OR2L2: variants seen among roughly 807,000 people sequenced by gnomAD.
OR2L2 encodes the protein olfactory receptor 2L2.
For missense variants in OR2L2, 378 were observed against 375.2 expected, an observed-to-expected ratio of 1.01 and a Z score of -0.06; for synonymous variants, 156 against 135.4, an observed-to-expected ratio of 1.15 and a Z score of -1.06.
chr1:248,038,846 C>G lies in OR2L2; in HGVS notation c.579C>G (p.Val193=), dbSNP rs1662851511. The change falls in exon 3 of 3, where the codon GTC becomes GTG. Residue 193 remains valine, a synonymous_variant. Transcript: ENST00000641771. ...MLTLACTDTW[V]YESTVFLSST... is the part of the protein sequence containing the mutation. Reference sequence around the variant, plus strand: ...CGCTAGCCTGCACAGACACTTGGGTCTATGAGAGCACAGTGTTTTTGAGCA... The same window carrying G: ...CGCTAGCCTGCACAGACACTTGGGTGTATGAGAGCACAGTGTTTTTGAGCA... 1 of 1,614,124 alleles carries G rather than the reference C, an allele frequency of 6.2e-7. No homozygotes were observed. Among genetic ancestry groups the G allele is most frequent in the East Asian group, 2.2e-5 (1 of 44,882 alleles).
chr1:248,032,227 C>G (rs1264339659), intron 1 of OR2L2, among the ~76,000 whole-genome samples: 1 of 151,890 alleles, frequency 6.6e-6, no homozygotes. Flanking sequence ...CAGAAACTTG[C>G]CTGAATTTTC....
chr1:248,030,823 G>T (rs1287479940), intron 1 of OR2L2, among the ~76,000 whole-genome samples: 1 of 152,094 alleles, frequency 6.6e-6, no homozygotes, highest in East Asian at 1.9e-4. Context: ...CATATTGCAC[G>T]TGCCAGTGTG....
intron 1 of OR2L2, among the ~76,000 whole-genome samples, chr1:248,032,785 G>A (rs1662653253): frequency 6.6e-6 from 1 of 152,036 alleles, no homozygotes; most frequent in Non-Finnish European, 1.5e-5. Flanking sequence ...TGCCTTTGGG[G>A]TATTGTGAAT....
intron 2 of OR2L2, 134 bp from the exon 3 acceptor site, chr1:248,038,113 T>A: frequency 1.8e-6 from 1 of 564,390 alleles, no homozygotes. Context: ...AATATGCATT[T>A]ATGGATATAA....
At chr1:248,037,043 TAG>T (rs1044794441) in intron 2 of OR2L2, among the ~76,000 whole-genome samples, 1 of 152,114 alleles carries the variant, frequency 6.6e-6, no homozygotes, top group Non-Finnish European at 1.5e-5. Flanking sequence ...GATATTGAGA[TAG>T]AGAGTCTGCA....
At chr1:248,036,131 G>A (rs528735046) in intron 2 of OR2L2, among the ~76,000 whole-genome samples, 1 of 152,048 alleles carries the variant, frequency 6.6e-6, no homozygotes, top group African/African-American at 2.4e-5. Flanking sequence ...GAGAATTTTT[G>A]TATGGTATTG....
intron 2 of OR2L2, among the ~76,000 whole-genome samples, chr1:248,036,197 T>G (rs1662755118): frequency 1.3e-5 from 2 of 152,172 alleles, no homozygotes; most frequent in Non-Finnish European, 2.9e-5. Context: ...TATATGTTGG[T>G]CCTGTTGCAT....
rs375770710 is a variant in OR2L2 at position 248,038,111 on chromosome 1, T to C, written c.-21-136T>C. ...TATAAATTAAAGTTTATAATATGCA[T>C]TTATGGATATAAAAATAGTTTATAT... On this transcript the variant is annotated intron_variant, in intron 2 of 2. Transcript: ENST00000641771. 1.4e-4 allele frequency: 76 copies of C among 561,982 alleles called. No individual in the cohort carries two copies. The East Asian group carries it at 1.8e-3, about 13-fold the overall frequency. The allele number at this position is 561,982 out of a possible 1,614,324, so 34.8% of individuals were successfully genotyped here. A position where few individuals can be genotyped will look rare whatever the true frequency, so the allele number is the denominator to read the frequency against.
In OR2L2 at chr1:248,038,689, T is replaced by C. The variant is rs1662842944; in HGVS notation, c.422T>C (p.Val141Ala). 3.7e-6 allele frequency: 6 copies of C among 1,614,010 alleles called. No homozygotes were observed. The East Asian group carries it at 8.9e-5, about 24-fold the overall frequency. Residue 141 changes from valine (V) to alanine (A), a missense_variant, in exon 3 of 3, where the codon GTG (valine) becomes GCG (alanine). Physicochemically the swap from Val to Ala is moderately conservative, Grantham distance 64. Coordinates refer to ENST00000641771, the MANE Select transcript of OR2L2 (RefSeq NM_001385855.1). ...YPIRISKRVC[V>A]MMITGSWMIS... ...ATCCGTATAAGCAAAAGAGTGTGTG[T>C]GATGATGATAACAGGATCTTGGATG...
At position 248,039,892 on chromosome 1, in the gene OR2L2, T is replaced by A. The variant is rs892909011; in HGVS notation, c.*686T>A. The A allele has an allele frequency of 6.6e-6, 1 of 152,248 alleles. No homozygotes were observed. Among genetic ancestry groups the A allele is most frequent in the East Asian group, 1.9e-4 (1 of 5,204 alleles). The allele number at this position is 152,248 out of a possible 1,614,324, so 9.4% of individuals were successfully genotyped here. On this transcript the variant is annotated 3_prime_UTR_variant, in exon 3 of 3. Transcript: ENST00000641771. ...AAGTTTACCTGAGGATAAATAATTA[T>A]GTTTGTGGAGCAGCCAATTTGGCTT...
chr1:248,039,331 TTTTAA>T lies in OR2L2; in HGVS notation c.*130_*134del. 1.2e-6 allele frequency: 1 copy of T among 859,264 alleles called. No individual in the cohort carries two copies. Among genetic ancestry groups the T allele is most frequent in the Non-Finnish European group, 1.8e-6 (1 of 561,068 alleles). The allele number at this position is 859,264 out of a possible 1,614,324, so 53.2% of individuals were successfully genotyped here. Reference sequence around the variant, plus strand: ...GAAGTTAATCTAGAAGAAATTTGTCTTTTAATTTAGTCTTGACAATATTATAATAC... The same window carrying T: ...GAAGTTAATCTAGAAGAAATTTGTCTTTTAGTCTTGACAATATTATAATAC... On this transcript the variant is annotated 3_prime_UTR_variant, in exon 3 of 3. Coordinates refer to ENST00000641771, the MANE Select transcript of OR2L2 (RefSeq NM_001385855.1).
chr1:248,032,883 T>G (rs1247471465), intron 1 of OR2L2, among the ~76,000 whole-genome samples: 1 of 152,202 alleles, frequency 6.6e-6, no homozygotes, highest in Non-Finnish European at 1.5e-5. Flanking sequence ...AGTTGGAACC[T>G]ATACTAACTC....
At position 248,038,432 on chromosome 1, in the gene OR2L2, C is replaced by T. The variant is rs910253877; in HGVS notation, c.165C>T (p.His55=). ...TCATCTTTTTGGACATCCATCTCCA[C>T]ACACCTATGTATTTCCTACTTAGTC... ...ILLIFLDIHL[H]TPMYFLLSQL... Residue 55 remains histidine (H), a synonymous_variant, in exon 3 of 3, where the codon CAC becomes CAT. Transcript: ENST00000641771. 1 of 1,613,714 alleles carries T rather than the reference C, an allele frequency of 6.2e-7. No individual in the cohort carries two copies. The highest frequency in any genetic ancestry group is 1.3e-5 in the African/African-American group (1 of 74,918).
chr1:248,033,668 C>A (rs1176587458), intron 1 of OR2L2, among the ~76,000 whole-genome samples: 1 of 148,680 alleles, frequency 6.7e-6, no homozygotes, highest in Admixed American at 6.8e-5. Flanking sequence ...TCTCAATGTT[C>A]TGAGCTCAAG....
chr1:248,030,658 T>A (rs1662594504), intron 1 of OR2L2, among the ~76,000 whole-genome samples: 1 of 152,198 alleles, frequency 6.6e-6, no homozygotes, highest in Non-Finnish European at 1.5e-5. Context: ...ACGATGCTCA[T>A]TATAATCTTA....
At position 248,040,306 on chromosome 1, in the gene OR2L2, G is replaced by C. The variant is rs902869875; in HGVS notation, c.*1100G>C. 9 of 152,202 alleles carry C rather than the reference G, an allele frequency of 5.9e-5. No individual in the cohort carries two copies. The highest frequency in any genetic ancestry group is 1.3e-4 in the Admixed American group (2 of 15,280). 9.4% of individuals were successfully genotyped at this position (152,202 alleles called of 1,614,324 possible). A position where few individuals can be genotyped will look rare whatever the true frequency, so the allele number is the denominator to read the frequency against. ...TCTCCAGAAGAGCCCATTCCTGAGA[G>C]ACTCTTTTATCTCTGAGGAGAGAAG... On this transcript the variant is annotated 3_prime_UTR_variant, in exon 3 of 3. Coordinates refer to ENST00000641771, the MANE Select transcript of OR2L2 (RefSeq NM_001385855.1).
chr1:248,038,286 A>G lies in OR2L2; in HGVS notation c.19A>G (p.Thr7Ala). 1 of 1,609,736 alleles carries G rather than the reference A, an allele frequency of 6.2e-7. No homozygotes were observed. The highest frequency in any genetic ancestry group is 8.5e-7 in the Non-Finnish European group (1 of 1,177,202). ...ATTCCCCATGGAAAATTACAATCAAACATCAACTGATTTCATCTTATTGGG... is the reference window on the plus strand; with the variant it reads ...ATTCCCCATGGAAAATTACAATCAAGCATCAACTGATTTCATCTTATTGGG... MENYNQ[T>A]STDFILLGLF... The change falls in exon 3 of 3, where the codon ACA becomes GCA. Residue 7 changes from threonine (T) to alanine (A), a missense_variant. Thr to Ala is a moderately conservative substitution (Grantham distance 58). Transcript: ENST00000641771.
chr1:248,035,399 A>G (rs1662732468), intron 1 of OR2L2, among the ~76,000 whole-genome samples, 151 bp from the exon 2 acceptor site: 3 of 152,094 alleles, frequency 2.0e-5, no homozygotes. Context: ...CAGTGAGCCG[A>G]GATCGCGCCA....
chr1:248,031,536 G>C (rs1317914466), intron 1 of OR2L2, among the ~76,000 whole-genome samples: 1 of 152,204 alleles, frequency 6.6e-6, no homozygotes, highest in African/African-American at 2.4e-5. Flanking sequence ...CATGCAGGGG[G>C]TGAGGAGATG....
Sources: allele counts gnomAD v4.1 joint callset (sites outside exome capture counted in the v4.1 genomes callset), GRCh38; gene constraint gnomAD v4.1.1; transcripts MANE v1.5; gene names NCBI Gene and HGNC (gene_info 2026-07-23, HGNC 2026-07-21).